The following KLHL4 variants were observed in gnomAD, a reference collection of about 807,000 sequenced individuals.
The protein encoded by KLHL4 is kelch-like protein 4.
KLHL4 carries 17 observed loss-of-function variants against 45.8 expected under a neutral mutation model. The ratio of observed to expected loss-of-function variants is 0.37; its 90% CI spans 0.25 to 0.56. The LOEUF is 0.56. KLHL4 is among the 20% of genes least tolerant of loss of function. KLHL4 has a pLI of 0.79. For missense variants in KLHL4, 544 were observed against 544.9 expected, an observed-to-expected ratio of 1.00 and a Z score of 0.02; for synonymous variants, 224 against 189.9, an observed-to-expected ratio of 1.18 and a Z score of -1.47.
chrX:87,588,838 G>A (rs1921568175), intron 1 of KLHL4, among the ~76,000 whole-genome samples: 1 of 110,077 alleles, frequency 9.1e-6, no homozygotes, highest in Admixed American at 9.8e-5. Context: ...AGAGGAAGAG[G>A]AGGAAGAGGA....
chrX:87,562,404 G>T (rs7066249), intron 1 of KLHL4, among the ~76,000 whole-genome samples: 1 of 109,180 alleles, frequency 9.2e-6, no homozygotes, highest in Non-Finnish European at 1.9e-5. Flanking sequence ...AGAGATCTAG[G>T]CCTGGCAGGA....
At chrX:87,555,414 CAG>C (rs1931947447) in intron 1 of KLHL4, among the ~76,000 whole-genome samples, 1 of 111,306 alleles carries the variant, frequency 9.0e-6, no homozygotes, top group Non-Finnish European at 1.9e-5. Flanking sequence ...TTGGTCTATT[CAG>C]AGAGTCAACT....
At position 87,622,334 on chromosome X, in the gene KLHL4, A is replaced by G. The variant is rs1922777688; in HGVS notation, c.1048A>G (p.Met350Val). ...TGAAGAGACCATTTTTCATGCTCTAATGCAGTGGGTGGGGCATGATGTGCA... is the reference window on the plus strand; with the variant it reads ...TGAAGAGACCATTTTTCATGCTCTAGTGCAGTGGGTGGGGCATGATGTGCA... Reference protein sequence around the residue: ...PDEETIFHALMQWVGHDVQNR... With the variant: ...PDEETIFHALVQWVGHDVQNR... The change falls in exon 5 of 11, where the codon ATG becomes GTG. Residue 350 changes from methionine (M) to valine (V), a missense_variant. Physicochemically the swap from Met to Val is conservative, Grantham distance 21. Coordinates refer to ENST00000373119, the MANE Select transcript of KLHL4 (RefSeq NM_019117.5). The G allele has an allele frequency of 9.9e-6, 12 of 1,208,811 alleles. No homozygotes were observed. The highest frequency in any genetic ancestry group is 1.3e-5 in the Non-Finnish European group (12 of 893,092).
intron 9 of KLHL4, among the ~76,000 whole-genome samples, chrX:87,658,517 A>G (rs996801789): frequency 9.0e-6 from 1 of 111,095 alleles, no homozygotes; most frequent in Non-Finnish European, 1.9e-5. Context: ...TGGTAGTGTC[A>G]AGGAGCTCCC....
At chrX:87,585,962 A>T (rs1293400505) in intron 1 of KLHL4, among the ~76,000 whole-genome samples, 10 of 111,672 alleles carry the variant, frequency 9.0e-5, no homozygotes, top group Non-Finnish European at 1.7e-4. Flanking sequence ...ACCAAAAAAG[A>T]GCATAAGTAG....
chrX:87,591,174 C>A (rs994276786), intron 1 of KLHL4, among the ~76,000 whole-genome samples: 13 of 111,799 alleles, frequency 1.2e-4, no homozygotes, highest in Non-Finnish European at 2.3e-4. Context: ...TTTATAAAAA[C>A]CATTCTATCT....
Position 87,667,668 on chromosome X carries a change from C to T in KLHL4, c.*1134C>T, listed in dbSNP as rs1199472474. The T allele has an allele frequency of 1.7e-6, 1 of 602,438 alleles. No homozygotes were observed. Among genetic ancestry groups the T allele is most frequent in the Non-Finnish European group, 2.0e-6 (1 of 503,167 alleles). The allele number at this position is 602,438 out of a possible 1,213,427, so 49.6% of individuals were successfully genotyped here. On this transcript the variant is annotated 3_prime_UTR_variant, in exon 11 of 11. Coordinates refer to ENST00000373119, the MANE Select transcript of KLHL4 (RefSeq NM_019117.5). ...AATAGTATTTTATGTGTAATTCTTCCATTTATTCTGTTTAATTATACAACT... is the reference window on the plus strand; with the variant it reads ...AATAGTATTTTATGTGTAATTCTTCTATTTATTCTGTTTAATTATACAACT...
At chrX:87,654,775 G>A (rs1923933429) in intron 9 of KLHL4, among the ~76,000 whole-genome samples, 1 of 111,634 alleles carries the variant, frequency 9.0e-6, no homozygotes, top group African/African-American at 3.3e-5. Flanking sequence ...GTGTGTAAGT[G>A]TTCCCTTTTC....
chrX:87,622,095 T>C (rs1922769523), intron 4 of KLHL4, 116 bp from the exon 5 acceptor site: 2 of 494,947 alleles, frequency 4.0e-6, no homozygotes, highest in Non-Finnish European at 6.9e-6. Context: ...TATAAGTGAA[T>C]ACATCTGTGT....
At chrX:87,660,429 C>G (rs1924150928) in intron 9 of KLHL4, among the ~76,000 whole-genome samples, 1 of 112,063 alleles carries the variant, frequency 8.9e-6, no homozygotes, top group African/African-American at 3.2e-5. Flanking sequence ...AAAACTAAAT[C>G]ATATATAACA....
rs1374552421 is a variant in KLHL4 at position 87,667,580 on chromosome X, T to C, written c.*1046T>C. ...TTATCCAGTAGAAAATGTTAGGATA[T>C]GTGTGCTATATAAAAAAAAAAAAAG... is the stretch of plus-strand genomic sequence containing the variant. On this transcript the variant is annotated 3_prime_UTR_variant, in exon 11 of 11. Transcript: ENST00000373119. 1 of 617,980 alleles carries C rather than the reference T, an allele frequency of 1.6e-6. No individual in the cohort carries two copies. The highest frequency in any genetic ancestry group is 8.5e-5 in the South Asian group (1 of 11,729). The allele number at this position is 617,980 out of a possible 1,213,427, so 50.9% of individuals were successfully genotyped here.
chrX:87,580,129 T>A (rs1373381435), intron 1 of KLHL4, among the ~76,000 whole-genome samples: 1 of 111,248 alleles, frequency 9.0e-6, no homozygotes, highest in Admixed American at 9.6e-5. Flanking sequence ...ATGATTGAAG[T>A]TAACTTGCTA....
chrX:87,646,963 C>G (rs949544150), intron 9 of KLHL4, among the ~76,000 whole-genome samples: 1 of 111,147 alleles, frequency 9.0e-6, no homozygotes, highest in Non-Finnish European at 1.9e-5. Flanking sequence ...AGATATCCTA[C>G]AGAGGGGGAG....
At chrX:87,638,925 T>G (rs1298191952) in intron 9 of KLHL4, among the ~76,000 whole-genome samples, 1 of 111,372 alleles carries the variant, frequency 9.0e-6, no homozygotes, top group Non-Finnish European at 1.9e-5. Context: ...AACTCACTAA[T>G]TAATATCTGC....
At chrX:87,519,414 A>C (rs1468849637) in intron 1 of KLHL4, among the ~76,000 whole-genome samples, 2 of 112,001 alleles carry the variant, frequency 1.8e-5, no homozygotes, top group African/African-American at 6.5e-5. Flanking sequence ...TCTTGCTTTC[A>C]TAAATTCAAA....
intron 6 of KLHL4, among the ~76,000 whole-genome samples, chrX:87,630,231 A>C (rs1923053959): frequency 8.9e-6 from 1 of 111,843 alleles, no homozygotes; most frequent in African/African-American, 3.2e-5. Flanking sequence ...AATTAACTAC[A>C]TCTTCATTAT....
intron 9 of KLHL4, among the ~76,000 whole-genome samples, chrX:87,642,159 C>T (rs771918188): frequency 3.5e-4 from 39 of 110,789 alleles, no homozygotes; most frequent in African/African-American, 1.2e-3. Flanking sequence ...GCCACCTCCA[C>T]TGGAAGAGGC....
chrX:87,561,782 T>G (rs1439726146), intron 1 of KLHL4, among the ~76,000 whole-genome samples: 1 of 108,974 alleles, frequency 9.2e-6, no homozygotes, highest in African/African-American at 3.3e-5. Context: ...AGTAGAGAAC[T>G]TTATCTTGCA....
intron 6 of KLHL4, among the ~76,000 whole-genome samples, chrX:87,626,417 G>T (rs1298992235): frequency 9.1e-6 from 1 of 110,220 alleles, no homozygotes; most frequent in African/African-American, 3.3e-5. Flanking sequence ...CTGGCTTAGA[G>T]AATATGCATT....
Sources: allele counts gnomAD v4.1 joint callset (sites outside exome capture counted in the v4.1 genomes callset), GRCh38; gene constraint gnomAD v4.1.1; transcripts MANE v1.5; gene names NCBI Gene and HGNC (gene_info 2026-07-23, HGNC 2026-07-21).